The following GRIN2B variants were observed in gnomAD, a reference collection of about 807,000 sequenced individuals.
GRIN2B encodes the protein glutamate receptor ionotropic, NMDA 2B.
Under a neutral mutation model 114.5 loss-of-function variants are expected in GRIN2B, and 5 were observed. The ratio of observed to expected loss-of-function variants is 0.04; its 90% CI spans 0.02 to 0.09. The LOEUF is 0.09. Ranked by LOEUF, GRIN2B falls within the 10% of genes least tolerant of loss-of-function variation. The pLI is 1.00. For missense variants in GRIN2B, 1,108 were observed against 1,943.5 expected (o/e 0.57, Z 8.08); for synonymous variants, 787 against 745.1 (o/e 1.06, Z -0.92).
chr12:13,872,454 C>CAA (rs35373717), intron 2 of GRIN2B, among the ~76,000 whole-genome samples: 6,487 of 124,226 alleles, frequency 0.052, 227 homozygotes, highest in Admixed American at 0.072. Flanking sequence ...GGCTCCGACT[C>CAA]AAAAAAAAAA....
chr12:13,743,167 G>A (rs1452349927), intron 4 of GRIN2B, among the ~76,000 whole-genome samples: 1 of 152,204 alleles, frequency 6.6e-6, no homozygotes, highest in Non-Finnish European at 1.5e-5. Context: ...TAAAATTAGA[G>A]TAAACGTGCT....
intron 3 of GRIN2B, among the ~76,000 whole-genome samples, chr12:13,807,434 C>T (rs748155343): frequency 1.8e-4 from 27 of 152,054 alleles, no homozygotes; most frequent in Non-Finnish European, 3.1e-4. Context: ...TAATGCCCTT[C>T]TCCTTCTCAC....
chr12:13,679,655 A>T (rs1332290370), intron 4 of GRIN2B, among the ~76,000 whole-genome samples: 1 of 152,188 alleles, frequency 6.6e-6, no homozygotes, highest in East Asian at 1.9e-4. Context: ...CTGTGTTTTC[A>T]TGAGTAATTT....
intron 3 of GRIN2B, among the ~76,000 whole-genome samples, chr12:13,821,887 C>T (rs1864944865): frequency 6.6e-6 from 1 of 152,154 alleles, no homozygotes; most frequent in Non-Finnish European, 1.5e-5. Flanking sequence ...TTTCAGACTT[C>T]TAAACATTAC....
In GRIN2B at chr12:13,548,572, C is replaced by T. The variant is rs573487108; in HGVS notation, c.*14211G>A. ...TCCAAATACTCATCAGCTGTTGGCC[C>T]TGTGACCTGTTTTTCAGGATCATCA... On this transcript the variant is annotated 3_prime_UTR_variant, in exon 14 of 14. Coordinates refer to ENST00000609686, the MANE Select transcript of GRIN2B (RefSeq NM_000834.5). 14 of 151,636 alleles carry T rather than the reference C, an allele frequency of 9.2e-5. No individual in the cohort carries two copies. Among genetic ancestry groups the T allele is most frequent in the African/African-American group, 3.1e-4 (13 of 41,330 alleles). The allele number at this position is 151,636 out of a possible 1,614,324, so 9.4% of individuals were successfully genotyped here.
intron 4 of GRIN2B, among the ~76,000 whole-genome samples, chr12:13,707,127 T>C (rs902675725): frequency 2.0e-5 from 3 of 152,110 alleles, no homozygotes; most frequent in African/African-American, 4.8e-5. Context: ...AATCTCACTT[T>C]GCTTTTATTC....
At chr12:13,749,756 G>A (rs1383033265) in intron 4 of GRIN2B, among the ~76,000 whole-genome samples, 5 of 152,116 alleles carry the variant, frequency 3.3e-5, no homozygotes, top group Non-Finnish European at 5.9e-5. Context: ...GCTTTTGAGC[G>A]TGCTGTGCCT....
chr12:13,784,716 T>G (rs1214287168), intron 3 of GRIN2B, among the ~76,000 whole-genome samples: 1 of 152,204 alleles, frequency 6.6e-6, no homozygotes, highest in East Asian at 1.9e-4. Flanking sequence ...GGAGAATAAG[T>G]CTGGCTAGCC....
chr12:13,975,760 CA>C (rs1288867074), intron 2 of GRIN2B, among the ~76,000 whole-genome samples: 1 of 152,194 alleles, frequency 6.6e-6, no homozygotes, highest in Non-Finnish European at 1.5e-5. Context: ...GAGGAGTGCA[CA>C]AACTTCTTAG....
In GRIN2B at chr12:13,557,184, AC is replaced by A. The variant is rs1428098660; in HGVS notation, c.*5598del. ...TCCTATGATTTTATACAATACTGCAACCCCACCCCCCAAACTAGAATAGAAT... is the reference window on the plus strand; with the variant it reads ...TCCTATGATTTTATACAATACTGCAACCCACCCCCCAAACTAGAATAGAAT... On this transcript the variant is annotated 3_prime_UTR_variant, in exon 14 of 14. Coordinates refer to ENST00000609686, the MANE Select transcript of GRIN2B (RefSeq NM_000834.5). 1 of 152,000 alleles carries A rather than the reference AC, an allele frequency of 6.6e-6. No homozygotes were observed. Among genetic ancestry groups the A allele is most frequent in the Non-Finnish European group, 1.5e-5 (1 of 67,998 alleles). 9.4% of individuals were successfully genotyped at this position (152,000 alleles called of 1,614,324 possible). A position where few individuals can be genotyped will look rare whatever the true frequency, so the allele number is the denominator to read the frequency against.
chr12:13,943,788 G>T (rs560909286), intron 2 of GRIN2B, among the ~76,000 whole-genome samples: 1 of 152,038 alleles, frequency 6.6e-6, no homozygotes, highest in East Asian at 1.9e-4. Context: ...TCACTGTCTA[G>T]CCCCTCACCT....
At chr12:13,941,940 TG>T (rs1867262163) in intron 2 of GRIN2B, among the ~76,000 whole-genome samples, 1 of 152,244 alleles carries the variant, frequency 6.6e-6, no homozygotes, top group African/African-American at 2.4e-5. Context: ...AGCATGTTAC[TG>T]CCCTCTCCTG....
At chr12:13,970,013 C>T (rs1243269811) in intron 2 of GRIN2B, among the ~76,000 whole-genome samples, 1 of 152,124 alleles carries the variant, frequency 6.6e-6, no homozygotes, top group Non-Finnish European at 1.5e-5. Flanking sequence ...CCACCGTGCC[C>T]AGCTAATTTT....
rs553934133 is a variant in GRIN2B at position 13,591,796 on chromosome 12, A to G, written c.2010+16807T>C. Among the ~76,000 whole-genome samples, 19 of 152,294 alleles carry G rather than the reference A, an allele frequency of 1.2e-4. No individual in the cohort carries two copies. In the South Asian group the frequency reaches 3.9e-3, roughly 32 times the overall value. ...AATATATTTTTGGCTTTGGACTGCA[A>G]TTTTCAATAGGCAGACTCCAACCTA... is the stretch of plus-strand genomic sequence containing the variant. On this transcript the variant is annotated intron_variant, in intron 10 of 13. Transcript: ENST00000609686.
chr12:13,801,196 A>T (rs17833961), intron 3 of GRIN2B, among the ~76,000 whole-genome samples: 6,922 of 152,312 alleles, frequency 0.045, 215 homozygotes, highest in Admixed American at 0.068. Flanking sequence ...TAACGAGGAC[A>T]GTACGTGATC....
At chr12:13,574,086 C>G (rs972754347) in intron 10 of GRIN2B, among the ~76,000 whole-genome samples, 1 of 152,176 alleles carries the variant, frequency 6.6e-6, no homozygotes, top group African/African-American at 2.4e-5. Flanking sequence ...CTAGCCCAAA[C>G]CTTTCATTTG....
rs183038516 is a variant in GRIN2B at position 13,768,906 on chromosome 12, C to T, written c.412-14991G>A. 7.3e-3 allele frequency among the ~76,000 whole-genome samples: 1,107 copies of T among 152,150 alleles called. 41 individuals carry two copies. The highest frequency in any genetic ancestry group is 0.056 in the Admixed American group (849 of 15,286). On this transcript the variant is annotated intron_variant, in intron 3 of 13. Coordinates refer to ENST00000609686, the MANE Select transcript of GRIN2B (RefSeq NM_000834.5). ...AAAATTAGCCTGGCTTGGTGGCAGG[C>T]GCCGGTAGCCCCAGCTACTCAGGAG...
intron 5 of GRIN2B, among the ~76,000 whole-genome samples, chr12:13,674,499 T>C (rs1292268609): frequency 3.3e-5 from 5 of 152,154 alleles, no homozygotes; most frequent in African/African-American, 1.2e-4. Flanking sequence ...GAGCCACACA[T>C]GCCTAGTTTC....
intron 4 of GRIN2B, among the ~76,000 whole-genome samples, chr12:13,729,126 C>T (rs1399210155): frequency 2.0e-5 from 3 of 152,180 alleles, no homozygotes; most frequent in Non-Finnish European, 4.4e-5. Context: ...TTTTATTTTT[C>T]TGTTTTTTTC....
Sources: gnomAD v4.1 joint callset for allele counts (sites outside exome capture counted in the v4.1 genomes callset) on GRCh38, gnomAD v4.1.1 for gene constraint, MANE v1.5 for transcripts, NCBI Gene and HGNC (gene_info 2026-07-23, HGNC 2026-07-21) for gene names.